Variants in NR1H4 observed in about 807,000 individuals in gnomAD.
The protein encoded by NR1H4 is bile acid receptor.
A neutral mutation model predicts 58.5 loss-of-function variants in NR1H4; 23 were observed. That is an observed-to-expected ratio of 0.39 (90% CI 0.28 to 0.56). NR1H4 has a LOEUF of 0.56. NR1H4 is among the 20% of genes least tolerant of loss of function. The probability of loss-of-function intolerance (pLI) is 0.58; values close to 1 mark genes in which losing one functional copy is unlikely to be tolerated. For synonymous variants in NR1H4, 214 were observed against 198.0 expected (o/e 1.08, Z -0.68); for missense variants, 487 against 576.9 (o/e 0.84, Z 1.60).
At chr12:100,560,307 C>T (rs554514504) in intron 9 of NR1H4, among the ~76,000 whole-genome samples, 1 of 152,334 alleles carries the variant, frequency 6.6e-6, no homozygotes, top group South Asian at 2.1e-4. Context: ...ACTCGGGTCC[C>T]CTTCCACACT....
chr12:100,547,804 T>A (rs1477080540), intron 9 of NR1H4, among the ~76,000 whole-genome samples: 1 of 151,734 alleles, frequency 6.6e-6, no homozygotes, highest in African/African-American at 2.4e-5. Context: ...CACTGCAACC[T>A]CCGCCTCCTG....
At chr12:100,544,824 A>G (rs1477176700) in intron 9 of NR1H4, among the ~76,000 whole-genome samples, 1 of 152,228 alleles carries the variant, frequency 6.6e-6, no homozygotes, top group Admixed American at 6.5e-5. Context: ...AGTTGGTTAA[A>G]CATTCTTCTA....
intron 4 of NR1H4, among the ~76,000 whole-genome samples, chr12:100,513,184 T>C (rs1954167012): frequency 6.6e-6 from 1 of 152,190 alleles, no homozygotes; most frequent in Non-Finnish European, 1.5e-5. Flanking sequence ...CTACCTATAT[T>C]GCTACTCATA....
chr12:100,508,391 G>A (rs986954251), intron 3 of NR1H4, among the ~76,000 whole-genome samples: 5 of 152,060 alleles, frequency 3.3e-5, no homozygotes, highest in African/African-American at 1.2e-4. Flanking sequence ...ATGTGCAAGC[G>A]GAGGCCGAGA....
intron 3 of NR1H4, among the ~76,000 whole-genome samples, chr12:100,503,919 T>A (rs1174166477): frequency 6.6e-6 from 1 of 152,148 alleles, no homozygotes; most frequent in Admixed American, 6.5e-5. Context: ...AAAACTGGAT[T>A]AGAATATAAT....
chr12:100,536,922 T>C (rs1954826951), intron 7 of NR1H4, 26 bp from the exon 8 acceptor site: 5 of 1,259,508 alleles, frequency 4.0e-6, no homozygotes, highest in Non-Finnish European at 5.7e-6. Context: ...TACTTTTTAA[T>C]CATTGGTTTT....
chr12:100,477,868 C>T (rs563268593), intron 1 of NR1H4, among the ~76,000 whole-genome samples: 2 of 152,264 alleles, frequency 1.3e-5, no homozygotes, highest in Admixed American at 1.3e-4. Context: ...TTCTTGCTCT[C>T]CTGGAGTCCC....
intron 10 of NR1H4, among the ~76,000 whole-genome samples, chr12:100,562,573 G>A (rs1955500478): frequency 6.6e-6 from 1 of 152,080 alleles, no homozygotes; most frequent in Non-Finnish European, 1.5e-5. Context: ...GTTGTAATAT[G>A]TGCTACATAT....
chr12:100,555,480 G>A (rs1955301705), intron 9 of NR1H4, among the ~76,000 whole-genome samples: 1 of 152,070 alleles, frequency 6.6e-6, no homozygotes, highest in African/African-American at 2.4e-5. Flanking sequence ...AACCTACATG[G>A]CTTTGTAAAG....
intron 4 of NR1H4, among the ~76,000 whole-genome samples, chr12:100,522,379 T>G (rs1171756158): frequency 1.3e-5 from 2 of 152,292 alleles, no homozygotes; most frequent in African/African-American, 4.8e-5. Context: ...TCATGAGGAT[T>G]AAATAAATTG....
rs142702725 is a variant in NR1H4, at chr12:100,484,623, C to A, written c.-189-7880C>A. The stretch of plus-strand genomic sequence containing the variant: ...ATGGGGCTGCTGCTTCTCCTTCCTC[C>A]TCCTTTTTGTATGCTGTACACAAGT... On this transcript the variant is annotated intron_variant, in intron 1 of 10. Coordinates refer to ENST00000392986, the MANE Select transcript of NR1H4 (RefSeq NM_001206979.2). 7.7e-3 allele frequency among the ~76,000 whole-genome samples: 1,174 copies of A among 152,288 alleles called. 8 individuals carry two copies. The highest frequency in any genetic ancestry group is 0.02 in the Middle Eastern group (6 of 294).
chr12:100,512,368 A>C (rs1954142072), intron 4 of NR1H4, among the ~76,000 whole-genome samples: 1 of 152,210 alleles, frequency 6.6e-6, no homozygotes, highest in African/African-American at 2.4e-5. Flanking sequence ...TAGGCCGGGC[A>C]TGGTGGCTCA....
chr12:100,537,289 TC>T (rs2136243204), intron 8 of NR1H4, among the ~76,000 whole-genome samples: 1 of 152,334 alleles, frequency 6.6e-6, no homozygotes, highest in East Asian at 1.9e-4. Context: ...TCATTTAATA[TC>T]TGATTTAAAG....
At chr12:100,476,880 C>A (rs1487026125) in intron 1 of NR1H4, among the ~76,000 whole-genome samples, 1 of 152,038 alleles carries the variant, frequency 6.6e-6, no homozygotes, top group Non-Finnish European at 1.5e-5. Flanking sequence ...TAGAGAGACA[C>A]CACCTCAAAA....
chr12:100,476,294 C>A (rs572768499), intron 1 of NR1H4, among the ~76,000 whole-genome samples: 1 of 152,108 alleles, frequency 6.6e-6, no homozygotes, highest in Non-Finnish European at 1.5e-5. Flanking sequence ...ATTTGTTAAA[C>A]CCAGGAACTA....
chr12:100,555,809 T>C (rs1209101262), intron 9 of NR1H4, among the ~76,000 whole-genome samples: 1 of 152,226 alleles, frequency 6.6e-6, no homozygotes, highest in Non-Finnish European at 1.5e-5. Flanking sequence ...AGAGCTAGCT[T>C]ATGACCTCTT....
chr12:100,534,062 A>G (rs1037404496), intron 5 of NR1H4, among the ~76,000 whole-genome samples: 2 of 151,570 alleles, frequency 1.3e-5, no homozygotes, highest in African/African-American at 4.9e-5. Flanking sequence ...GCGCCCGGCT[A>G]ATTTTTTGTA....
At chr12:100,561,739 G>T (rs964089284) in intron 9 of NR1H4, 146 bp from the exon 10 acceptor site, 9 of 591,934 alleles carry the variant, frequency 1.5e-5, no homozygotes, top group African/African-American at 7.4e-5. Flanking sequence ...CCTTCCTTTG[G>T]ACATATAATA....
chr12:100,522,426 G>A (rs1226916467), intron 4 of NR1H4, among the ~76,000 whole-genome samples: 2 of 152,058 alleles, frequency 1.3e-5, no homozygotes, highest in Non-Finnish European at 2.9e-5. Flanking sequence ...CTTCCCAATG[G>A]AAAATCCTCA....
Sources: gnomAD v4.1 joint callset for allele counts (sites outside exome capture counted in the v4.1 genomes callset) on GRCh38, gnomAD v4.1.1 for gene constraint, MANE v1.5 for transcripts, NCBI Gene and HGNC (gene_info 2026-07-23, HGNC 2026-07-21) for gene names.